Variants in ADGRD1 observed in about 807,000 individuals in gnomAD.
ADGRD1 encodes the protein G-protein coupled receptor 133.
In ADGRD1, 77 loss-of-function variants were observed where a neutral mutation model predicts 113.4. That is an observed-to-expected ratio of 0.68 (90% CI 0.57 to 0.82). The LOEUF (loss-of-function observed/expected upper bound fraction) is 0.82, where lower values mean the gene tolerates loss of function less well. Among genes scored for constraint, ADGRD1 ranks in the 40% least tolerant of loss-of-function variants. The pLI, the probability that ADGRD1 is intolerant of heterozygous loss-of-function variation, is 0.00. For missense variants in ADGRD1, 1,036 were observed against 1,139.1 expected, an observed-to-expected ratio of 0.91 and a Z score of 1.30; for synonymous variants, 474 against 475.0, an observed-to-expected ratio of 1.00 and a Z score of 0.03.
intron 20 of ADGRD1, among the ~76,000 whole-genome samples, chr12:131,127,026 G>A (rs1172339393): frequency 1.3e-5 from 2 of 151,910 alleles, no homozygotes; most frequent in African/African-American, 2.4e-5. Context: ...ATGGTGAGCC[G>A]CTCCTCCTCT....
intron 15 of ADGRD1, among the ~76,000 whole-genome samples, chr12:131,088,206 A>G (rs903749257): frequency 2.0e-5 from 3 of 152,244 alleles, no homozygotes. Context: ...TGAGCCCCAG[A>G]GAGAGGGGGG....
In ADGRD1 at chr12:131,022,610, G is replaced by A. The variant is rs747296570; in HGVS notation, c.1473+8270G>A. On this transcript the variant is annotated intron_variant, in intron 13 of 24. Coordinates refer to ENST00000261654, the MANE Select transcript of ADGRD1 (RefSeq NM_198827.5). The surrounding 1 kb of genome is among the most constrained non-coding windows in gnomAD (Gnocchi z 4.6). ...TGCTCCCGTTGTCGCGGCCGTGACCGTCGGGAGCTCTGTCCAGTTGGTTTC... is the reference window on the plus strand; with the variant it reads ...TGCTCCCGTTGTCGCGGCCGTGACCATCGGGAGCTCTGTCCAGTTGGTTTC... 1.3e-5 allele frequency among the ~76,000 whole-genome samples: 2 copies of A among 152,174 alleles called. No homozygotes were observed. Among genetic ancestry groups the A allele is most frequent in the Non-Finnish European group, 2.9e-5 (2 of 68,034 alleles).
chr12:131,003,332 T>C lies in ADGRD1; in HGVS notation c.1144+30T>C, dbSNP rs768805668. On this transcript the variant is annotated intron_variant, in intron 10 of 24. Coordinates refer to ENST00000261654, the MANE Select transcript of ADGRD1 (RefSeq NM_198827.5). The surrounding 1 kb of genome is among the most constrained non-coding windows in gnomAD (Gnocchi z 4.8). ...CTGTCGCTTGTAAGGGTGAGCCACA[T>C]GGCAGGGGCGGGGGCTGGAGGCTGC... is the stretch of plus-strand genomic sequence containing the variant. 1.4e-6 allele frequency: 2 copies of C among 1,479,182 alleles called. No homozygotes were observed. The highest frequency in any genetic ancestry group is 1.7e-5 in the Admixed American group (1 of 59,864). 91.6% of individuals were successfully genotyped at this position (1,479,182 alleles called of 1,614,324 possible). A position where few individuals can be genotyped will look rare whatever the true frequency, so the allele number is the denominator to read the frequency against.
intron 13 of ADGRD1, among the ~76,000 whole-genome samples, chr12:131,052,099 G>A (rs1028819959): frequency 2.0e-5 from 3 of 152,146 alleles, no homozygotes; most frequent in Non-Finnish European, 4.4e-5. Flanking sequence ...GGGCCTGCAC[G>A]GGACCCTCCT....
intron 13 of ADGRD1, among the ~76,000 whole-genome samples, chr12:131,044,258 C>T (rs990897710): frequency 6.6e-6 from 1 of 152,176 alleles, no homozygotes; most frequent in Non-Finnish European, 1.5e-5. Flanking sequence ...ATGAAGCGGC[C>T]GTCCTCACAT....
At chr12:131,077,602 CG>C (rs1158095795) in intron 14 of ADGRD1, among the ~76,000 whole-genome samples, 5 of 152,048 alleles carry the variant, frequency 3.3e-5, no homozygotes, top group Non-Finnish European at 7.4e-5. Flanking sequence ...CCCGCAGGGC[CG>C]GGGAGTGGAG....
chr12:130,986,997 AC>A, intron 5 of ADGRD1, 97 bp from the exon 6 acceptor site: 1 of 1,006,236 alleles, frequency 9.9e-7, no homozygotes, highest in Non-Finnish European at 1.5e-6. Context: ...GTGATTGATC[AC>A]CTTAAGAAAG....
In ADGRD1 at chr12:131,139,258, G is replaced by T. The variant is rs148442158; in HGVS notation, c.2620G>T (p.Val874Leu). 6.2e-7 allele frequency: 1 copy of T among 1,610,474 alleles called. No homozygotes were observed. The highest frequency in any genetic ancestry group is 8.5e-7 in the Non-Finnish European group (1 of 1,178,326). ...TGCCCACCGCGTCGACCTGTCAGCC[G>T]TGTGAGCCGGGAGGCTGCCAACCAG... ...HSAHRVDLSA[V>L] The change falls in exon 25 of 25, where the codon GTG becomes TTG. Residue 874 changes from valine (V) to leucine (L), a missense_variant. By Grantham distance (32) the Val-to-Leu change is conservative. Coordinates refer to ENST00000261654, the MANE Select transcript of ADGRD1 (RefSeq NM_198827.5).
rs1339659978 is a variant in ADGRD1 at position 131,003,182 on chromosome 12, C to T, written c.1027-3C>T. The T allele has an allele frequency of 1.9e-6, 3 of 1,609,670 alleles. No homozygotes were observed. The highest frequency in any genetic ancestry group is 2.6e-6 in the Non-Finnish European group (3 of 1,176,126). ...ATGGCTCCTGGTGCTTGTGTTGCTG[C>T]AGGACAGCGCCGTGGTACTGAGTCT... On this transcript the variant is annotated splice_region_variant and splice_polypyrimidine_tract_variant and intron_variant, in intron 9 of 24. Transcript: ENST00000261654. The surrounding 1 kb of genome is among the most constrained non-coding windows in gnomAD (Gnocchi z 4.8).
intron 17 of ADGRD1, among the ~76,000 whole-genome samples, chr12:131,108,353 A>C (rs1950278514): frequency 6.6e-6 from 1 of 152,088 alleles, no homozygotes; most frequent in African/African-American, 2.4e-5. Flanking sequence ...GAAGGGAGGG[A>C]AACTCTTCCA....
At chr12:130,970,897 G>A (rs4759816) in intron 3 of ADGRD1, 114,714 of 152,266 alleles carry the variant, frequency 0.75, 48,705 homozygotes, top group East Asian at 0.95. Context: ...CTAAAATCCC[G>A]AATCTACCTG....
rs544800001 is a variant in ADGRD1 at position 131,050,903 on chromosome 12, G to A, written c.1474-25898G>A. Among the ~76,000 whole-genome samples the A allele has an allele frequency of 6.6e-6, 1 of 152,288 alleles. No individual in the cohort carries two copies. Among genetic ancestry groups the A allele is most frequent in the Admixed American group, 6.5e-5 (1 of 15,300 alleles). On this transcript the variant is annotated intron_variant, in intron 13 of 24. Transcript: ENST00000261654. The surrounding 1 kb of genome is among the most constrained non-coding windows in gnomAD (Gnocchi z 4.8). ...ATCAAACGCCCGGCTGATCTGATAG[G>A]AGGGGAGCTCAGGTGGGAATGCCTG... is the stretch of plus-strand genomic sequence containing the variant.
chr12:131,140,536 G>A lies in ADGRD1; in HGVS notation c.*1273G>A, dbSNP rs576564056. ...ATACTGTGCTGATAGCACTCGTGGT[G>A]TCTGTGAAATGTGGGTAAGACATTC... On this transcript the variant is annotated 3_prime_UTR_variant, in exon 25 of 25. Transcript: ENST00000261654. 1 of 152,046 alleles carries A rather than the reference G, an allele frequency of 6.6e-6. No individual in the cohort carries two copies. Among genetic ancestry groups the A allele is most frequent in the African/African-American group, 2.4e-5 (1 of 41,478 alleles). 9.4% of individuals were successfully genotyped at this position (152,046 alleles called of 1,614,324 possible).
intron 5 of ADGRD1, among the ~76,000 whole-genome samples, chr12:130,982,353 T>C (rs903334658): frequency 6.6e-6 from 1 of 152,250 alleles, no homozygotes. Context: ...ACACCTGTGA[T>C]GTGCAGATGA....
intron 20 of ADGRD1, among the ~76,000 whole-genome samples, chr12:131,122,789 G>A (rs1023615659): frequency 6.6e-6 from 1 of 152,186 alleles, no homozygotes; most frequent in South Asian, 2.1e-4. Flanking sequence ...ATGTCTGACC[G>A]TGGTCAGTGA....
At chr12:131,107,017 G>C (rs1230661473) in intron 17 of ADGRD1, among the ~76,000 whole-genome samples, 2 of 152,234 alleles carry the variant, frequency 1.3e-5, no homozygotes, top group Non-Finnish European at 2.9e-5. Flanking sequence ...GGGGAGCAAG[G>C]TCCCACTGTG....
chr12:131,136,097 C>T lies in ADGRD1; in HGVS notation c.2328C>T (p.Gly776=), dbSNP rs750226772. 28 of 1,614,070 alleles carry T rather than the reference C, an allele frequency of 1.7e-5. No individual in the cohort carries two copies. The highest frequency in any genetic ancestry group is 2.0e-5 in the Non-Finnish European group (24 of 1,180,022). The change falls in exon 22 of 25, where the codon GGC becomes GGT. Residue 776 remains glycine (G), a synonymous_variant. Coordinates refer to ENST00000261654, the MANE Select transcript of ADGRD1 (RefSeq NM_198827.5). ...LPILGTSWVF[G]VLAVNGCAVV... ...TCCTGGGTACCTCGTGGGTCTTTGG[C>T]GTGCTTGCTGTCAACGGTTGTGCTG...
At position 131,103,531 on chromosome 12, in the gene ADGRD1, A is replaced by C. The variant is rs1425779581; in HGVS notation, c.1672-1300A>C. ...TGCTTGCTGAGTGTTCGGGCTTCCC[A>C]TGGCCCCCTGGCCCCAGGTTGCTCC... On this transcript the variant is annotated intron_variant, in intron 15 of 24. Coordinates refer to ENST00000261654, the MANE Select transcript of ADGRD1 (RefSeq NM_198827.5). 3.3e-5 allele frequency among the ~76,000 whole-genome samples: 5 copies of C among 152,196 alleles called. No homozygotes were observed. The East Asian group carries it at 9.8e-4, about 30-fold the overall frequency.
At chr12:131,047,646 G>A (rs941674803) in intron 13 of ADGRD1, among the ~76,000 whole-genome samples, 4 of 152,202 alleles carry the variant, frequency 2.6e-5, no homozygotes, top group Admixed American at 6.5e-5. Flanking sequence ...GGCTGTGACC[G>A]TTCCAGACAA....
Sources: allele counts gnomAD v4.1 joint callset (sites outside exome capture counted in the v4.1 genomes callset), GRCh38; gene constraint gnomAD v4.1.1; non-coding constraint Gnocchi (gnomAD v3.1); transcripts MANE v1.5; gene names NCBI Gene and HGNC (gene_info 2026-07-23, HGNC 2026-07-21).